The following NBEA variants were observed in gnomAD, a reference collection of about 807,000 sequenced individuals.
NBEA encodes the protein neurobeachin.
A neutral mutation model predicts 343.4 loss-of-function variants in NBEA; 44 were observed. The observed-to-expected ratio is 0.13, with a 90% CI of 0.10 to 0.16. NBEA has a LOEUF of 0.16. Ranked by LOEUF, NBEA falls within the 10% of genes least tolerant of loss-of-function variation. The probability of loss-of-function intolerance (pLI) is 1.00; values close to 1 mark genes in which losing one functional copy is unlikely to be tolerated. For missense variants in NBEA, 2,555 were observed against 3,631.3 expected (o/e 0.70, Z 7.62); for synonymous variants, 1,175 against 1,238.7 (o/e 0.95, Z 1.08).
chr13:34,945,916 A>T (rs867298238), intron 1 of NBEA, among the ~76,000 whole-genome samples: 63 of 152,056 alleles, frequency 4.1e-4, no homozygotes, highest in Admixed American at 3.9e-3. Flanking sequence ...GGTGGCTGTA[A>T]TTTTTCTGCT....
At chr13:35,311,476 T>C (rs185425163) in intron 36 of NBEA, among the ~76,000 whole-genome samples, 2 of 152,172 alleles carry the variant, frequency 1.3e-5, no homozygotes, top group African/African-American at 4.8e-5. Flanking sequence ...CTGATAATGC[T>C]TTTGTCAGTC....
intron 58 of NBEA, among the ~76,000 whole-genome samples, chr13:35,670,171 T>C (rs933528157): frequency 2.0e-5 from 3 of 152,196 alleles, no homozygotes; most frequent in Non-Finnish European, 4.4e-5. Flanking sequence ...CAACACTTTA[T>C]GTAGACAGAA....
At chr13:35,276,241 T>C (rs750445526) in intron 34 of NBEA, among the ~76,000 whole-genome samples, 13 of 152,134 alleles carry the variant, frequency 8.5e-5, no homozygotes, top group Non-Finnish European at 1.9e-4. Context: ...TATTTTCCCT[T>C]TTGTTCTAAT....
chr13:35,107,431 C>G (rs1033614992), intron 11 of NBEA, among the ~76,000 whole-genome samples: 1 of 151,776 alleles, frequency 6.6e-6, no homozygotes, highest in Non-Finnish European at 1.5e-5. Context: ...ACACATAATT[C>G]TATTATATTA....
At chr13:35,401,355 G>C (rs2042995090) in intron 38 of NBEA, among the ~76,000 whole-genome samples, 1 of 151,924 alleles carries the variant, frequency 6.6e-6, no homozygotes, top group African/African-American at 2.4e-5. Context: ...TTTAAGTGAA[G>C]AATCACCATC....
intron 18 of NBEA, among the ~76,000 whole-genome samples, chr13:35,144,676 G>T (rs777583872): frequency 2.0e-5 from 3 of 152,074 alleles, no homozygotes; most frequent in Non-Finnish European, 4.4e-5. Context: ...GGAGAAGGTC[G>T]GTCTTCTTTA....
chr13:35,120,502 A>C (rs2066737745), intron 16 of NBEA, among the ~76,000 whole-genome samples: 1 of 152,250 alleles, frequency 6.6e-6, no homozygotes, highest in South Asian at 2.1e-4. Flanking sequence ...GTGGCTAACG[A>C]ATTTATATGT....
At chr13:35,648,807 A>G (rs1321906804) in intron 51 of NBEA, among the ~76,000 whole-genome samples, 1 of 151,130 alleles carries the variant, frequency 6.6e-6, no homozygotes, top group African/African-American at 2.4e-5. Context: ...AAAAACAGAA[A>G]GAAGAAAACA....
In NBEA at chr13:35,625,263, T is replaced by C. The variant is rs181617948; in HGVS notation, c.7450-2818T>C. On this transcript the variant is annotated intron_variant, in intron 48 of 58. Coordinates refer to ENST00000379939, the MANE Select transcript of NBEA (RefSeq NM_001385012.1). ...AGAACATGGATAAAGTTAATAGATA[T>C]ATGACATTTGGGAGAATGCATTTGC... Among the ~76,000 whole-genome samples, 15 of 152,330 alleles carry C rather than the reference T, an allele frequency of 9.8e-5. No homozygotes were observed. In the East Asian group the frequency reaches 1.9e-3, roughly 20 times the overall value.
In NBEA at chr13:35,255,518, G is replaced by A. The variant is rs371548902; in HGVS notation, c.5776+22899G>A. On this transcript the variant is annotated intron_variant, in intron 34 of 58. Transcript: ENST00000379939. ...AACCAGGCACACTGACTGCTGCAGTGGGGTAAAAAGCTCTAGGCACTGGCA... is the reference window on the plus strand; with the variant it reads ...AACCAGGCACACTGACTGCTGCAGTAGGGTAAAAAGCTCTAGGCACTGGCA... Among the ~76,000 whole-genome samples the A allele has an allele frequency of 3.4e-3, 525 of 152,348 alleles. 5 individuals are homozygous for A. Among genetic ancestry groups the A allele is most frequent in the Non-Finnish European group, 4.7e-3 (317 of 68,030 alleles).
intron 52 of NBEA, 75 bp downstream of exon 52, chr13:35,649,922 C>A: frequency 1.5e-5 from 8 of 546,456 alleles, no homozygotes; most frequent in Non-Finnish European, 1.3e-5. Context: ...TGTACTGGGA[C>A]TGGGATTAGC....
chr13:35,621,596 T>A (rs1346519282), intron 48 of NBEA, among the ~76,000 whole-genome samples: 1 of 152,174 alleles, frequency 6.6e-6, no homozygotes, highest in African/African-American at 2.4e-5. Context: ...TTGGGTTTTT[T>A]TGTTCACTGC....
intron 40 of NBEA, 46 bp downstream of exon 40, chr13:35,452,281 A>G (rs2046346627): frequency 3.5e-6 from 5 of 1,416,336 alleles, no homozygotes; most frequent in South Asian, 1.3e-5. Flanking sequence ...AATAAACACA[A>G]AGCTACTGAA....
intron 41 of NBEA, among the ~76,000 whole-genome samples, chr13:35,534,745 G>A (rs772728203): frequency 6.6e-6 from 1 of 152,166 alleles, no homozygotes; most frequent in Non-Finnish European, 1.5e-5. Flanking sequence ...CTCCATGAAA[G>A]GAGGGGCCGT....
At chr13:35,101,260 T>C (rs1463809743) in intron 11 of NBEA, among the ~76,000 whole-genome samples, 1 of 151,968 alleles carries the variant, frequency 6.6e-6, no homozygotes. Context: ...TGAGAAACTA[T>C]TGATGTTTTT....
At chr13:35,299,033 T>C (rs2036354136) in intron 35 of NBEA, among the ~76,000 whole-genome samples, 1 of 152,136 alleles carries the variant, frequency 6.6e-6, no homozygotes, top group South Asian at 2.1e-4. Context: ...AGAGTGTTTT[T>C]TTCACTTCAC....
chr13:35,402,865 A>C (rs1279392926), intron 38 of NBEA, among the ~76,000 whole-genome samples: 1 of 152,092 alleles, frequency 6.6e-6, no homozygotes, highest in South Asian at 2.1e-4. Context: ...TTAATTTACT[A>C]TGTTGTATTT....
intron 23 of NBEA, 63 bp from the exon 24 acceptor site, chr13:35,164,293 A>G (rs9543506): frequency 0.42 from 587,958 of 1,383,808 alleles, 127,432 homozygotes; most frequent in East Asian, 0.5. Context: ...TTGTTATTCT[A>G]ATTGTCTAAG....
At chr13:35,636,239 C>T (rs187034509) in intron 49 of NBEA, among the ~76,000 whole-genome samples, 5 of 152,272 alleles carry the variant, frequency 3.3e-5, no homozygotes, top group African/African-American at 1.2e-4. Context: ...AGTACCTAGA[C>T]ATTTCAGTTA....
Sources: gnomAD v4.1 joint callset for allele counts (sites outside exome capture counted in the v4.1 genomes callset) on GRCh38, gnomAD v4.1.1 for gene constraint, MANE v1.5 for transcripts, NCBI Gene and HGNC (gene_info 2026-07-23, HGNC 2026-07-21) for gene names.